Variants in IL1RAPL1 observed in about 807,000 individuals in gnomAD.
IL1RAPL1 encodes the protein interleukin-1 receptor accessory protein-like 1.
A neutral mutation model predicts 48.4 loss-of-function variants in IL1RAPL1; 3 were observed. That is an observed-to-expected ratio of 0.06 (90% CI 0.03 to 0.16). The LOEUF (loss-of-function observed/expected upper bound fraction) is 0.16, where lower values mean the gene tolerates loss of function less well. Ranked by LOEUF, IL1RAPL1 falls within the 10% of genes least tolerant of loss-of-function variation. The pLI, the probability that IL1RAPL1 is intolerant of heterozygous loss-of-function variation, is 1.00. For synonymous variants in IL1RAPL1, 185 were observed against 187.7 expected (o/e 0.99, Z 0.12); for missense variants, 349 against 530.6 (o/e 0.66, Z 3.36).
Position 29,270,648 on chromosome X carries a change from C to A in IL1RAPL1, c.83-12290C>A, listed in dbSNP as rs747650094. Among the ~76,000 whole-genome samples, 3 of 111,796 alleles carry A rather than the reference C, an allele frequency of 2.7e-5. No individual in the cohort carries two copies. The South Asian group carries it at 1.1e-3, about 41-fold the overall frequency. ...TTTATCTATTTTTCTATCTTGATGA[C>A]AAGACTTTGATTATGTTTGATTAGT... On this transcript the variant is annotated intron_variant, in intron 2 of 10. Transcript: ENST00000378993.
At chrX:28,630,372 C>G (rs2146892959) in intron 1 of IL1RAPL1, among the ~76,000 whole-genome samples, 1 of 111,716 alleles carries the variant, frequency 9.0e-6, no homozygotes, top group Non-Finnish European at 1.9e-5. Flanking sequence ...CAGTTTGTTC[C>G]AAGGGGCTTA....
At chrX:29,683,074 G>A (rs1926507504) in intron 6 of IL1RAPL1, among the ~76,000 whole-genome samples, 1 of 112,047 alleles carries the variant, frequency 8.9e-6, no homozygotes, top group Admixed American at 9.5e-5. Flanking sequence ...CTTTTCACTG[G>A]CGTCTTGAGT....
chrX:28,735,553 G>A (rs1162738391), intron 1 of IL1RAPL1, among the ~76,000 whole-genome samples: 4 of 110,468 alleles, frequency 3.6e-5, no homozygotes, highest in African/African-American at 6.6e-5. Flanking sequence ...CGAGGTGGAA[G>A]GATTGCTTGA....
intron 2 of IL1RAPL1, among the ~76,000 whole-genome samples, chrX:29,255,489 T>G (rs1931741844): frequency 9.0e-6 from 1 of 110,714 alleles, no homozygotes; most frequent in Non-Finnish European, 1.9e-5. Flanking sequence ...AGGGTGTACA[T>G]GTACAGGTTT....
At chrX:29,003,154 G>T (rs769310838) in intron 2 of IL1RAPL1, among the ~76,000 whole-genome samples, 1 of 111,762 alleles carries the variant, frequency 8.9e-6, no homozygotes, top group South Asian at 3.7e-4. Flanking sequence ...CATAAAATAT[G>T]CTTGCTATGT....
At position 29,279,901 on chromosome X, in the gene IL1RAPL1, A is replaced by G. The variant is rs186507599; in HGVS notation, c.83-3037A>G. Among the ~76,000 whole-genome samples, 632 of 111,918 alleles carry G rather than the reference A, an allele frequency of 5.6e-3. 6 individuals carry two copies. Among genetic ancestry groups the G allele is most frequent in the African/African-American group, 0.02 (611 of 30,798 alleles). ...CTAACTTTTTAAAACTTTCTAGACTAAATCTTTTTGCTTACCTTCAAGCAT... is the reference window on the plus strand; with the variant it reads ...CTAACTTTTTAAAACTTTCTAGACTGAATCTTTTTGCTTACCTTCAAGCAT... On this transcript the variant is annotated intron_variant, in intron 2 of 10. Coordinates refer to ENST00000378993, the MANE Select transcript of IL1RAPL1 (RefSeq NM_014271.4).
At chrX:29,357,199 C>T (rs1933316901) in intron 3 of IL1RAPL1, among the ~76,000 whole-genome samples, 1 of 112,043 alleles carries the variant, frequency 8.9e-6, no homozygotes, top group Non-Finnish European at 1.9e-5. Context: ...CTAATTTGCT[C>T]ATAGCAAATT....
chrX:29,578,345 T>A (rs939067354), intron 5 of IL1RAPL1, among the ~76,000 whole-genome samples: 40 of 112,166 alleles, frequency 3.6e-4, no homozygotes, highest in African/African-American at 1.2e-3. Context: ...GTTTTCTTAT[T>A]AGCAAAGTGA....
At chrX:29,203,408 C>T (rs1930595762) in intron 2 of IL1RAPL1, among the ~76,000 whole-genome samples, 1 of 110,673 alleles carries the variant, frequency 9.0e-6, no homozygotes, top group South Asian at 3.8e-4. Context: ...GTGTTGTGAA[C>T]ACTTCAATTC....
At chrX:29,547,172 A>G (rs777382179) in intron 5 of IL1RAPL1, among the ~76,000 whole-genome samples, 14 of 111,745 alleles carry the variant, frequency 1.3e-4, no homozygotes, top group Non-Finnish European at 2.4e-4. Context: ...CTATAAAATC[A>G]CCTCTTCAAT....
intron 5 of IL1RAPL1, among the ~76,000 whole-genome samples, chrX:29,624,838 C>T (rs901621241): frequency 6.3e-5 from 7 of 110,922 alleles, no homozygotes; most frequent in African/African-American, 2.3e-4. Context: ...CAGAGTAAGA[C>T]CCTGTCTCAA....
At chrX:29,069,957 G>T (rs896994692) in intron 2 of IL1RAPL1, among the ~76,000 whole-genome samples, 2 of 111,153 alleles carry the variant, frequency 1.8e-5, no homozygotes, top group Admixed American at 9.6e-5. Flanking sequence ...CTCAAGAATA[G>T]ATCACCCCAT....
intron 3 of IL1RAPL1, among the ~76,000 whole-genome samples, chrX:29,304,551 T>C (rs1932588147): frequency 8.9e-6 from 1 of 112,206 alleles, no homozygotes; most frequent in Admixed American, 9.5e-5. Context: ...AGATGTATGA[T>C]GTCAGAAATT....
intron 5 of IL1RAPL1, among the ~76,000 whole-genome samples, chrX:29,591,743 C>T (rs1162136589): frequency 8.9e-6 from 1 of 112,681 alleles, no homozygotes; most frequent in Non-Finnish European, 1.9e-5. Context: ...CCTGTGCATC[C>T]ACTGTGCGGA....
chrX:28,859,509 C>T (rs922164551), intron 2 of IL1RAPL1, among the ~76,000 whole-genome samples: 4 of 111,073 alleles, frequency 3.6e-5, no homozygotes, highest in Admixed American at 9.6e-5. Context: ...CTGCCTGCCT[C>T]GGCCTCCTAA....
At chrX:29,299,104 G>A (rs976857771) in intron 3 of IL1RAPL1, among the ~76,000 whole-genome samples, 2 of 109,614 alleles carry the variant, frequency 1.8e-5, no homozygotes, top group South Asian at 7.9e-4. Flanking sequence ...TAGCCTCCCA[G>A]CCTACATCTT....
chrX:29,126,039 A>G (rs759416525), intron 2 of IL1RAPL1, among the ~76,000 whole-genome samples: 42 of 110,606 alleles, frequency 3.8e-4, no homozygotes, highest in African/African-American at 1.2e-3. Flanking sequence ...ATTAAAGGGT[A>G]TAATATATTT....
intron 2 of IL1RAPL1, among the ~76,000 whole-genome samples, chrX:29,167,911 A>G (rs993177880): frequency 9.0e-6 from 1 of 111,052 alleles, no homozygotes; most frequent in Admixed American, 9.7e-5. Context: ...TAAATGAAAT[A>G]TGCAGGAAGG....
At chrX:28,766,621 A>G (rs1041112605) in intron 1 of IL1RAPL1, among the ~76,000 whole-genome samples, 3 of 110,692 alleles carry the variant, frequency 2.7e-5, no homozygotes, top group Non-Finnish European at 5.7e-5. Context: ...GTGCTATCAC[A>G]TAGTGGTCTT....
Sources: gnomAD v4.1 joint callset for allele counts (sites outside exome capture counted in the v4.1 genomes callset) on GRCh38, gnomAD v4.1.1 for gene constraint, MANE v1.5 for transcripts, NCBI Gene and HGNC (gene_info 2026-07-23, HGNC 2026-07-21) for gene names.